Variants in EYA2 observed in about 807,000 individuals in gnomAD.
The protein encoded by EYA2 is EYA transcriptional coactivator and phosphatase 2.
In EYA2, 31 loss-of-function variants were observed where a neutral mutation model predicts 69.2. That is an observed-to-expected ratio of 0.45 (90% CI 0.34 to 0.60). The LOEUF (loss-of-function observed/expected upper bound fraction) is 0.60. EYA2 is among the 20% of genes least tolerant of loss of function. EYA2 has a pLI of 0.02. For synonymous variants in EYA2, 257 were observed against 279.4 expected (o/e 0.92, Z 0.80); for missense variants, 622 against 701.2 (o/e 0.89, Z 1.28).
At chr20:47,047,156 G>T (rs139231715) in intron 5 of EYA2, among the ~76,000 whole-genome samples, 1 of 152,070 alleles carries the variant, frequency 6.6e-6, no homozygotes, top group African/African-American at 2.4e-5. Context: ...CCTGAAGGTC[G>T]GGGGCTGTGT....
intron 5 of EYA2, among the ~76,000 whole-genome samples, chr20:47,061,542 A>G (rs1359724251): frequency 6.6e-6 from 1 of 152,086 alleles, no homozygotes; most frequent in Non-Finnish European, 1.5e-5. Flanking sequence ...CTGAAAAAAA[A>G]AAATCCCTCT....
At chr20:46,991,659 T>TTCTTAAAAA (rs1041730870) in intron 2 of EYA2, among the ~76,000 whole-genome samples, 33 of 152,038 alleles carry the variant, frequency 2.2e-4, no homozygotes, top group African/African-American at 8.0e-4. Context: ...AAATCTGGAG[T>TTCTTAAAAA]TCTGGTTTAT....
chr20:47,078,327 G>GCACA (rs1249113834), intron 7 of EYA2, among the ~76,000 whole-genome samples: 5,069 of 77,978 alleles, frequency 0.065, 174 homozygotes, highest in African/African-American at 0.12. Context: ...GTGCGCGCGC[G>GCACA]CGCGCACACA....
intron 4 of EYA2, among the ~76,000 whole-genome samples, chr20:47,010,415 T>C (rs1982985297): frequency 6.6e-6 from 1 of 152,076 alleles, no homozygotes; most frequent in African/African-American, 2.4e-5. Flanking sequence ...TCTTCAGGCA[T>C]GGTGGGCTCA....
chr20:47,105,242 G>C (rs1173497283), intron 9 of EYA2, among the ~76,000 whole-genome samples: 1 of 152,122 alleles, frequency 6.6e-6, no homozygotes, highest in Non-Finnish European at 1.5e-5. Context: ...TTTATTTTTT[G>C]TGGTTTTAAC....
intron 1 of EYA2, among the ~76,000 whole-genome samples, chr20:46,944,262 TG>T (rs141685715): frequency 0.039 from 5,915 of 152,286 alleles, 335 homozygotes; most frequent in African/African-American, 0.13. Flanking sequence ...CCTGTGGTGA[TG>T]GGAGACAATT....
chr20:47,140,204 CT>C (rs905157472), intron 9 of EYA2, among the ~76,000 whole-genome samples: 1 of 152,106 alleles, frequency 6.6e-6, no homozygotes, highest in African/African-American at 2.4e-5. Context: ...AATGCAAAAC[CT>C]TTTCCCAGGT....
intron 5 of EYA2, among the ~76,000 whole-genome samples, chr20:47,039,835 CTTTTTTTTTT>C (rs10689930): frequency 7.2e-5 from 5 of 69,806 alleles, no homozygotes; most frequent in Admixed American, 2.4e-4. Context: ...AGATCAAATA[CTTTTTTTTTT>C]TTTTTTTTTT....
intron 4 of EYA2, among the ~76,000 whole-genome samples, chr20:47,012,501 C>T (rs918518860): frequency 6.6e-6 from 1 of 152,056 alleles, no homozygotes; most frequent in African/African-American, 2.4e-5. Context: ...TTTTTATTTA[C>T]TTATTTATTT....
chr20:46,941,418 T>C (rs957965408), intron 1 of EYA2, among the ~76,000 whole-genome samples: 4 of 152,242 alleles, frequency 2.6e-5, no homozygotes, highest in African/African-American at 9.6e-5. Flanking sequence ...ATAGCCTCCT[T>C]CATCTTTCTG....
chr20:47,089,579 C>G (rs1319490045), intron 8 of EYA2, among the ~76,000 whole-genome samples, 198 bp downstream of exon 8: 5 of 152,230 alleles, frequency 3.3e-5, no homozygotes, highest in Non-Finnish European at 7.3e-5. Context: ...CAAACTGAAG[C>G]AGCATCAGAA....
chr20:47,164,648 G>T (rs572757313), intron 10 of EYA2, among the ~76,000 whole-genome samples: 2 of 152,124 alleles, frequency 1.3e-5, no homozygotes, highest in Non-Finnish European at 2.9e-5. Flanking sequence ...TGGCTCAGAG[G>T]TCTCAGACTC....
chr20:46,896,682 A>T (rs1193709405), intron 1 of EYA2, among the ~76,000 whole-genome samples: 2 of 152,094 alleles, frequency 1.3e-5, no homozygotes, highest in African/African-American at 2.4e-5. Flanking sequence ...TGTTTGTATT[A>T]AAAAAAATCT....
intron 10 of EYA2, among the ~76,000 whole-genome samples, chr20:47,149,107 T>G (rs2033767964): frequency 6.6e-6 from 1 of 152,194 alleles, no homozygotes; most frequent in African/African-American, 2.4e-5. Context: ...CAAGTATTAT[T>G]TATGTTTTGA....
intron 9 of EYA2, among the ~76,000 whole-genome samples, chr20:47,137,440 C>T (rs1230731766): frequency 6.6e-5 from 10 of 152,190 alleles, no homozygotes; most frequent in Non-Finnish European, 1.3e-4. Context: ...ATTTAATCCT[C>T]ACTGCAATGT....
At chr20:46,938,300 G>C (rs1253435731) in intron 1 of EYA2, among the ~76,000 whole-genome samples, 2 of 152,166 alleles carry the variant, frequency 1.3e-5, no homozygotes, top group Non-Finnish European at 2.9e-5. Context: ...AACCATGAGA[G>C]TTACTTGCAA....
chr20:47,128,705 G>A (rs1024122731), intron 9 of EYA2, among the ~76,000 whole-genome samples: 2 of 152,148 alleles, frequency 1.3e-5, no homozygotes, highest in Non-Finnish European at 2.9e-5. Context: ...TATTGGCAGC[G>A]TGACCTTGGA....
intron 1 of EYA2, among the ~76,000 whole-genome samples, chr20:46,940,681 G>A (rs762885153): frequency 3.3e-5 from 5 of 152,218 alleles, no homozygotes; most frequent in Non-Finnish European, 7.4e-5. Flanking sequence ...AGAGTGGCCA[G>A]GACCAAGCAC....
intron 1 of EYA2, among the ~76,000 whole-genome samples, chr20:46,957,563 AC>A (rs1979207337): frequency 8.6e-5 from 13 of 151,092 alleles, no homozygotes; most frequent in African/African-American, 1.5e-4. Context: ...ACACACACAC[AC>A]ACACACACAC....
Sources: allele counts gnomAD v4.1 joint callset (sites outside exome capture counted in the v4.1 genomes callset), GRCh38; gene constraint gnomAD v4.1.1; transcripts MANE v1.5; gene names NCBI Gene and HGNC (gene_info 2026-07-23, HGNC 2026-07-21).